FSTL4: variants seen among roughly 807,000 people sequenced by gnomAD.
FSTL4 encodes the protein follistatin-related protein 4.
FSTL4 carries 28 observed loss-of-function variants against 78.2 expected under a neutral mutation model. That is an observed-to-expected ratio of 0.36 (90% CI 0.27 to 0.49). The LOEUF (loss-of-function observed/expected upper bound fraction) is 0.49. Ranked by LOEUF, FSTL4 falls within the 20% of genes least tolerant of loss-of-function variation. FSTL4 has a pLI of 0.98. For synonymous variants in FSTL4, 422 were observed against 440.5 expected, an observed-to-expected ratio of 0.96 and a Z score of 0.53; for missense variants, 922 against 1,084.9, an observed-to-expected ratio of 0.85 and a Z score of 2.11.
Position 133,598,135 on chromosome 5 carries a change from C to A in FSTL4, c.126+5723G>T, listed in dbSNP as rs1760778735. On this transcript the variant is annotated intron_variant, in intron 2 of 15. Coordinates refer to ENST00000265342, the MANE Select transcript of FSTL4 (RefSeq NM_015082.2). Reference sequence around the variant, plus strand: ...CAGCATGACTGCAGCCTGCCCATTTCTCTCCTTTCCCTGACTGCAGTCAGC... The same window carrying A: ...CAGCATGACTGCAGCCTGCCCATTTATCTCCTTTCCCTGACTGCAGTCAGC... Among the ~76,000 whole-genome samples, 4 of 152,256 alleles carry A rather than the reference C, an allele frequency of 2.6e-5. No homozygotes were observed. In the South Asian group the frequency reaches 8.3e-4, roughly 32 times the overall value.
chr5:133,328,861 T>C (rs59403974), intron 4 of FSTL4, among the ~76,000 whole-genome samples: 2 of 152,160 alleles, frequency 1.3e-5, no homozygotes, highest in East Asian at 3.8e-4. Context: ...GGAGGCTGCA[T>C]CCTCCCAAAC....
the FSTL4 span, among the ~76,000 whole-genome samples, chr5:133,807,254 C>G: frequency 6.6e-6 from 1 of 152,202 alleles, no homozygotes; most frequent in South Asian, 2.1e-4. Context: ...CTTTGTGCCT[C>G]AAAGGCAAGT....
chr5:133,693,845 G>A, the FSTL4 span, among the ~76,000 whole-genome samples: 1 of 152,150 alleles, frequency 6.6e-6, no homozygotes. Flanking sequence ...CAACTCCAAG[G>A]TAGTGGGGGG....
At chr5:133,644,109 C>A in the FSTL4 span, among the ~76,000 whole-genome samples, 1 of 152,134 alleles carries the variant, frequency 6.6e-6, no homozygotes, top group East Asian at 1.9e-4. Context: ...TGTGTCCTTC[C>A]CAGGGCCACA....
At position 133,217,396 on chromosome 5, in the gene FSTL4, T is replaced by TGTC. The variant is rs1750945289; in HGVS notation, c.1459-21_1459-19dup. 2 of 1,612,858 alleles carry TGTC rather than the reference T, an allele frequency of 1.2e-6. No homozygotes were observed. Among genetic ancestry groups the TGTC allele is most frequent in the East Asian group, 4.5e-5 (2 of 44,872 alleles). On this transcript the variant is annotated intron_variant, in intron 12 of 15. Transcript: ENST00000265342. ...ATTTCTTCCTGCAAAGGAGATAGGC[T>TGTC]GTCATATATCTTCTTAATTGCCCTT...
At chr5:133,493,960 T>A (rs1263235243) in intron 3 of FSTL4, among the ~76,000 whole-genome samples, 1 of 152,140 alleles carries the variant, frequency 6.6e-6, no homozygotes, top group Non-Finnish European at 1.5e-5. Flanking sequence ...AATCACTGCT[T>A]CAGACTACAC....
the FSTL4 span, among the ~76,000 whole-genome samples, chr5:133,628,841 T>C: frequency 6.6e-6 from 1 of 151,824 alleles, no homozygotes; most frequent in Non-Finnish European, 1.5e-5. Flanking sequence ...ATCCTGAGAC[T>C]TTGCTGAAGT....
At chr5:133,589,504 G>T (rs1428207344) in intron 2 of FSTL4, among the ~76,000 whole-genome samples, 1 of 152,088 alleles carries the variant, frequency 6.6e-6, no homozygotes, top group Non-Finnish European at 1.5e-5. Context: ...AGAAGTGCAA[G>T]GAAATAGCCA....
At chr5:133,783,952 C>A in the FSTL4 span, among the ~76,000 whole-genome samples, 1 of 149,418 alleles carries the variant, frequency 6.7e-6, no homozygotes, top group Non-Finnish European at 1.5e-5. Flanking sequence ...ACCACATAGG[C>A]CTCCTTTATC....
the FSTL4 span, among the ~76,000 whole-genome samples, chr5:133,668,780 G>A: frequency 1.3e-5 from 2 of 152,278 alleles, no homozygotes; most frequent in East Asian, 1.9e-4. Flanking sequence ...GGGTGATTTC[G>A]GGTGTGAGAT....
rs928187934 is a variant in FSTL4, at chr5:133,381,286, G to A, written c.409+19452C>T. Among the ~76,000 whole-genome samples, 4 of 152,294 alleles carry A rather than the reference G, an allele frequency of 2.6e-5. No individual in the cohort carries two copies. In the East Asian group the frequency reaches 7.7e-4, roughly 29 times the overall value. ...CTGTCAACAGCAGAATGGATACATC[G>A]TGGCATAGTTATACAAGGGGATATC... is the stretch of plus-strand genomic sequence containing the variant. On this transcript the variant is annotated intron_variant, in intron 4 of 15. Coordinates refer to ENST00000265342, the MANE Select transcript of FSTL4 (RefSeq NM_015082.2).
the FSTL4 span, among the ~76,000 whole-genome samples, chr5:133,837,751 A>G: frequency 6.6e-6 from 1 of 152,216 alleles, no homozygotes; most frequent in Non-Finnish European, 1.5e-5. Context: ...GCCAAAAGCT[A>G]TGATCAACAT....
rs374815029 is a variant in FSTL4, at chr5:133,229,972, G to A, written c.1015+3445C>T. ...ACAGGGACAGTGGTCCCAGAAAATT[G>A]TCAGAATAGGGAACAGACTCCACCC... On this transcript the variant is annotated intron_variant, in intron 8 of 15. Coordinates refer to ENST00000265342, the MANE Select transcript of FSTL4 (RefSeq NM_015082.2). Among the ~76,000 whole-genome samples the A allele has an allele frequency of 2.4e-4, 36 of 152,306 alleles. No individual in the cohort carries two copies. In the East Asian group the frequency reaches 4.6e-3, roughly 20 times the overall value.
At chr5:133,393,680 C>T (rs1177904099) in intron 4 of FSTL4, among the ~76,000 whole-genome samples, 1 of 152,236 alleles carries the variant, frequency 6.6e-6, no homozygotes, top group African/African-American at 2.4e-5. Flanking sequence ...TAGGCTTGTC[C>T]CCAGAGGCTC....
At chr5:133,491,401 CTTTTTTTT>C (rs754185647) in intron 3 of FSTL4, among the ~76,000 whole-genome samples, 2 of 137,910 alleles carry the variant, frequency 1.5e-5, no homozygotes, top group South Asian at 4.7e-4. Flanking sequence ...ACAATTTTTT[CTTTTTTTT>C]TTTTTTTTGA....
intron 3 of FSTL4, among the ~76,000 whole-genome samples, chr5:133,443,625 T>C (rs1042812673): frequency 6.6e-6 from 1 of 152,188 alleles, no homozygotes; most frequent in Non-Finnish European, 1.5e-5. Context: ...TGACTCCTCC[T>C]AGTCAAGAAA....
chr5:133,760,066 G>C, the FSTL4 span, among the ~76,000 whole-genome samples: 1 of 152,210 alleles, frequency 6.6e-6, no homozygotes, highest in African/African-American at 2.4e-5. Context: ...AGGACAGTAA[G>C]AGACAGGGCC....
At chr5:133,840,728 GAGGAGTTCAA>G in the FSTL4 span, among the ~76,000 whole-genome samples, 59 of 152,246 alleles carry the variant, frequency 3.9e-4, 1 homozygote, top group Non-Finnish European at 8.8e-5. Context: ...ATTTGAGAAT[GAGGAGTTCAA>G]CCTGGAGGCA....
At chr5:133,262,595 C>T (rs1048196236) in intron 6 of FSTL4, among the ~76,000 whole-genome samples, 2 of 152,218 alleles carry the variant, frequency 1.3e-5, no homozygotes, top group African/African-American at 2.4e-5. Context: ...CTTCTCCTTC[C>T]AAGCGCCTGT....
Sources: allele counts gnomAD v4.1 joint callset (sites outside exome capture counted in the v4.1 genomes callset), GRCh38; gene constraint gnomAD v4.1.1; transcripts MANE v1.5; gene names NCBI Gene and HGNC (gene_info 2026-07-23, HGNC 2026-07-21).